The following LOXHD1 variants were observed in gnomAD, a reference collection of about 807,000 sequenced individuals.
LOXHD1 encodes the protein lipoxygenase homology domain-containing protein 1.
A neutral mutation model predicts 248.2 loss-of-function variants in LOXHD1; 205 were observed. That is an observed-to-expected ratio of 0.83 (90% confidence interval 0.74 to 0.93). The LOEUF is 0.93. Among genes scored for constraint, LOXHD1 ranks in the 40% least tolerant of loss-of-function variants. The pLI is 0.00. For synonymous variants in LOXHD1, 1,113 were observed against 1,162.8 expected, an observed-to-expected ratio of 0.96 and a Z score of 0.87; for missense variants, 2,930 against 2,971.6, an observed-to-expected ratio of 0.99 and a Z score of 0.33.
intron 4 of LOXHD1, among the ~76,000 whole-genome samples, chr18:46,621,032 T>C (rs972719741): frequency 3.9e-5 from 6 of 152,074 alleles, no homozygotes; most frequent in African/African-American, 9.7e-5. Context: ...TTCTAGGCCT[T>C]TCCAGCTGAG....
At chr18:46,510,296 A>T (rs2034879913) in intron 34 of LOXHD1, among the ~76,000 whole-genome samples, 1 of 152,206 alleles carries the variant, frequency 6.6e-6, no homozygotes. Context: ...GCACTGCACA[A>T]CTCTAGATGG....
At position 46,649,215 on chromosome 18, in the gene LOXHD1, T is replaced by C. The variant is rs1351824161; in HGVS notation, c.185A>G (p.Asn62Ser). Residue 62 changes from asparagine to serine, a missense_variant, in exon 2 of 41, where the codon AAT becomes AGT. By Grantham distance (46) the Asn-to-Ser change is conservative. Coordinates refer to ENST00000642948, the MANE Select transcript of LOXHD1 (RefSeq NM_001384474.1). ...CTCTCCAAAAAGCGTGATGAAGACATTGGCATCCGTCCCTGCACCGCGAAC... is the reference window on the plus strand; with the variant it reads ...CTCTCCAAAAAGCGTGATGAAGACACTGGCATCCGTCCCTGCACCGCGAAC... ...GDVRGAGTDA[N>S]VFITLFGENG... The C allele has an allele frequency of 3.2e-6, 5 of 1,551,782 alleles. No homozygotes were observed. The highest frequency in any genetic ancestry group is 2.4e-5 in the East Asian group (1 of 40,916).
At chr18:46,520,591 GC>G in intron 33 of LOXHD1, 1 of 286,940 alleles carries the variant, frequency 3.5e-6, no homozygotes, top group Non-Finnish European at 6.7e-6. Context: ...TGCCCTCCAG[GC>G]TTTTTCAGTT....
chr18:46,560,339 C>T lies in LOXHD1; in HGVS notation c.2805G>A (p.Lys935=). The T allele has an allele frequency of 1.3e-6, 2 of 1,552,284 alleles. No homozygotes were observed. Among genetic ancestry groups the T allele is most frequent in the Non-Finnish European group, 8.7e-7 (1 of 1,147,426 alleles). ...QLLKKERLKA[K]LQRKKKKRKG... is the part of the protein sequence containing the mutation. ...TCCTCTTCTTCTTCTTCCTCTGCAG[C>T]TTGGCCTTCAGCCGCTCCTTCTTGA... Residue 935 remains lysine, a synonymous_variant, in exon 19 of 41, where the codon AAG becomes AAA. Coordinates refer to ENST00000642948, the MANE Select transcript of LOXHD1 (RefSeq NM_001384474.1).
At chr18:46,654,867 C>T (rs1050652140) in intron 1 of LOXHD1, among the ~76,000 whole-genome samples, 1 of 152,214 alleles carries the variant, frequency 6.6e-6, no homozygotes, top group African/African-American at 2.4e-5. Context: ...CACCCACCTC[C>T]ACTTGCTCTT....
intron 21 of LOXHD1, among the ~76,000 whole-genome samples, chr18:46,557,101 A>C (rs1598996223): frequency 1.4e-5 from 2 of 145,272 alleles, no homozygotes; most frequent in Non-Finnish European, 1.5e-5. Context: ...AACCCAGCTC[A>C]CCCTCAGCCT....
chr18:46,492,855 C>G (rs1200268834), intron 37 of LOXHD1, among the ~76,000 whole-genome samples: 2 of 152,122 alleles, frequency 1.3e-5, no homozygotes, highest in South Asian at 2.1e-4. Context: ...TTTATCTTGT[C>G]CTTGTTGATG....
Position 46,597,182 on chromosome 18 carries a change from C to T in LOXHD1, c.1135-2716G>A, listed in dbSNP as rs769430021. On this transcript the variant is annotated intron_variant, in intron 8 of 40. Coordinates refer to ENST00000642948, the MANE Select transcript of LOXHD1 (RefSeq NM_001384474.1). ...GAGATTTCTAAGGTCCTTGCACTTG[C>T]CAAAAAAGAGTAAAGATATCAATTA... is the stretch of plus-strand genomic sequence containing the variant. 5.5e-4 allele frequency among the ~76,000 whole-genome samples: 84 copies of T among 151,718 alleles called. 1 individual carries two copies. The highest frequency in any genetic ancestry group is 3.2e-3 in the Middle Eastern group (1 of 314).
At chr18:46,517,850 A>T (rs2035342583) in intron 34 of LOXHD1, among the ~76,000 whole-genome samples, 2 of 152,236 alleles carry the variant, frequency 1.3e-5, no homozygotes, top group South Asian at 4.1e-4. Flanking sequence ...AATACCATCA[A>T]CTAATCTACC....
chr18:46,500,857 C>G (rs976318969), intron 37 of LOXHD1, among the ~76,000 whole-genome samples: 1 of 152,126 alleles, frequency 6.6e-6, no homozygotes, highest in Admixed American at 6.6e-5. Flanking sequence ...TAAGCGAACA[C>G]CACACTTCAT....
chr18:46,496,415 G>A (rs973885407), intron 37 of LOXHD1, among the ~76,000 whole-genome samples: 1 of 152,130 alleles, frequency 6.6e-6, no homozygotes, highest in East Asian at 1.9e-4. Flanking sequence ...TGATTTATAT[G>A]GTATTTGTTC....
Position 46,657,106 on chromosome 18 carries a change from C to T in LOXHD1, c.-73G>A. 2 of 1,549,286 alleles carry T rather than the reference C, an allele frequency of 1.3e-6. No homozygotes were observed. Among genetic ancestry groups the T allele is most frequent in the Non-Finnish European group, 1.7e-6 (2 of 1,146,042 alleles). On this transcript the variant is annotated 5_prime_UTR_variant, in exon 1 of 41. Coordinates refer to ENST00000642948, the MANE Select transcript of LOXHD1 (RefSeq NM_001384474.1). ...CCTCACACCTGCGGGAACCTGAGAC[C>T]TCCTCCCTGAGCTCTGGCGCCCACG...
rs1031405171 is a variant in LOXHD1, at chr18:46,524,425, T to C, written c.4876+41A>G. The C allele has an allele frequency of 1.1e-5, 17 of 1,536,760 alleles. No homozygotes were observed. The East Asian group carries it at 3.0e-4, about 27-fold the overall frequency. ...CAAGAATTGCTTTAAAACATTTCCA[T>C]GTGCCTGGCCCCCGTCCAAAGAGCT... On this transcript the variant is annotated intron_variant, in intron 31 of 40. Transcript: ENST00000642948.
chr18:46,529,154 T>C (rs965119006), intron 29 of LOXHD1, 23 bp downstream of exon 29: 2 of 1,550,434 alleles, frequency 1.3e-6, no homozygotes, highest in African/African-American at 1.4e-5. Flanking sequence ...GGAAGGAGGG[T>C]AAACTCCGTG....
chr18:46,620,239 T>C (rs1290684168), intron 4 of LOXHD1, among the ~76,000 whole-genome samples: 4 of 152,156 alleles, frequency 2.6e-5, no homozygotes, highest in African/African-American at 9.7e-5. Context: ...CTGAGAACAT[T>C]CATTTTGGCT....
chr18:46,542,429 C>G (rs2036603460), intron 24 of LOXHD1, among the ~76,000 whole-genome samples: 1 of 152,176 alleles, frequency 6.6e-6, no homozygotes, highest in Admixed American at 6.5e-5. Flanking sequence ...ACTCAAAGAA[C>G]TACTGAGTTA....
intron 37 of LOXHD1, among the ~76,000 whole-genome samples, chr18:46,504,869 A>T (rs1220202813): frequency 6.6e-6 from 1 of 152,192 alleles, no homozygotes; most frequent in Non-Finnish European, 1.5e-5. Flanking sequence ...AGAAGACAAA[A>T]GGGTGAATGA....
chr18:46,635,229 AG>A (rs1177093636), intron 4 of LOXHD1, among the ~76,000 whole-genome samples: 1 of 152,052 alleles, frequency 6.6e-6, no homozygotes, highest in Admixed American at 6.5e-5. Context: ...CAGGGAGACT[AG>A]GGGGTTTAAT....
intron 20 of LOXHD1, chr18:46,557,966 C>G: frequency 9.7e-7 from 1 of 1,033,600 alleles, no homozygotes; most frequent in Non-Finnish European, 1.2e-6. Flanking sequence ...GATTTGCCCA[C>G]CATTTAGGTG....
Sources: gnomAD v4.1 joint callset for allele counts (sites outside exome capture counted in the v4.1 genomes callset) on GRCh38, gnomAD v4.1.1 for gene constraint, MANE v1.5 for transcripts, NCBI Gene and HGNC (gene_info 2026-07-23, HGNC 2026-07-21) for gene names.